Variants in EYS observed in about 807,000 individuals in gnomAD.
EYS encodes protein eyes shut homolog.
In EYS, 250 loss-of-function variants were observed where a neutral mutation model predicts 282.1. That is an observed-to-expected ratio of 0.89 (90% CI 0.80 to 0.98). The LOEUF (loss-of-function observed/expected upper bound fraction) is 0.98, where lower values mean the gene tolerates loss of function less well. EYS is among the 50% of genes least tolerant of loss of function. EYS has a pLI of 0.00. For missense variants in EYS, 4,016 were observed against 3,709.0 expected (o/e 1.08, Z -2.15); for synonymous variants, 1,355 against 1,282.9 (o/e 1.06, Z -1.20).
intron 11 of EYS, chr6:65,330,638 C>T (rs528756095): frequency 4.4e-4 from 407 of 934,702 alleles, no homozygotes; most frequent in Non-Finnish European, 4.9e-4. Flanking sequence ...AATGTTTATA[C>T]GCTATTCATT....
At chr6:65,264,437 G>A (rs1013576486) in intron 12 of EYS, among the ~76,000 whole-genome samples, 12 of 152,030 alleles carry the variant, frequency 7.9e-5, no homozygotes, top group South Asian at 2.1e-4. Context: ...TTTGATGCAC[G>A]TAAGACATTC....
chr6:63,940,368 C>T (rs899602626), intron 35 of EYS, among the ~76,000 whole-genome samples: 3 of 151,780 alleles, frequency 2.0e-5, no homozygotes, highest in Admixed American at 6.6e-5. Flanking sequence ...GCTAGGCCAG[C>T]GGGTGTAAAA....
At chr6:65,151,559 C>T (rs1764612063) in intron 12 of EYS, among the ~76,000 whole-genome samples, 1 of 151,972 alleles carries the variant, frequency 6.6e-6, no homozygotes, top group Non-Finnish European at 1.5e-5. Context: ...TGTCTAACAG[C>T]ATTCCTTCTA....
At chr6:65,528,043 G>A (rs527826378) in intron 2 of EYS, among the ~76,000 whole-genome samples, 1 of 152,116 alleles carries the variant, frequency 6.6e-6, no homozygotes. Flanking sequence ...GTATCAGCTC[G>A]AGCACTATAC....
At position 64,984,196 on chromosome 6, in the gene EYS, G is replaced by A. The variant is rs942900960; in HGVS notation, c.2259+13386C>T. ...TTCTGAGGTCAGATATAGTCTCTGGGCCCTCCAGATAAACTACCCTTGACA... is the reference window on the plus strand; with the variant it reads ...TTCTGAGGTCAGATATAGTCTCTGGACCCTCCAGATAAACTACCCTTGACA... On this transcript the variant is annotated intron_variant, in intron 14 of 42. Transcript: ENST00000503581. Among the ~76,000 whole-genome samples, 236 of 151,394 alleles carry A rather than the reference G, an allele frequency of 1.6e-3. 4 individuals carry two copies. Among genetic ancestry groups the A allele is most frequent in the Non-Finnish European group, 1.0e-4 (7 of 67,532 alleles).
intron 30 of EYS, among the ~76,000 whole-genome samples, chr6:64,282,001 G>A (rs1768325499): frequency 6.6e-6 from 1 of 152,144 alleles, no homozygotes; most frequent in South Asian, 2.1e-4. Flanking sequence ...AGAGTGGTGA[G>A]AGAATGCATT....
At chr6:64,912,790 G>C in intron 15 of EYS, 47 bp from the exon 16 acceptor site, 2 of 1,251,238 alleles carry the variant, frequency 1.6e-6, no homozygotes, top group Non-Finnish European at 2.1e-6. Flanking sequence ...TCTTTTTCAA[G>C]TTTATTTTTT....
intron 35 of EYS, among the ~76,000 whole-genome samples, chr6:63,922,976 C>T (rs1764614455): frequency 1.3e-5 from 2 of 152,250 alleles, no homozygotes; most frequent in South Asian, 4.1e-4. Flanking sequence ...TCAATGTCCT[C>T]ATCTGAAAAA....
chr6:64,936,204 G>T (rs1768900282), intron 15 of EYS, among the ~76,000 whole-genome samples: 2 of 151,288 alleles, frequency 1.3e-5, no homozygotes, highest in Admixed American at 1.3e-4. Flanking sequence ...CATATAAACA[G>T]CTTCATTGAC....
intron 14 of EYS, among the ~76,000 whole-genome samples, chr6:64,978,715 C>A (rs1770555643): frequency 6.6e-6 from 1 of 151,836 alleles, no homozygotes; most frequent in Admixed American, 6.6e-5. Context: ...GGACAGAGGT[C>A]AAAATATCCA....
At chr6:65,019,552 A>G (rs572129564) in intron 13 of EYS, among the ~76,000 whole-genome samples, 80 of 152,350 alleles carry the variant, frequency 5.3e-4, no homozygotes, top group African/African-American at 1.9e-3. Flanking sequence ...ATAGGTTTGT[A>G]GTACAAAATA....
At chr6:64,361,528 G>A (rs1012646275) in intron 29 of EYS, among the ~76,000 whole-genome samples, 2 of 151,610 alleles carry the variant, frequency 1.3e-5, no homozygotes. Context: ...TCTACAATCA[G>A]GCTCATTTTT....
At chr6:64,699,674 T>C (rs1770713013) in intron 22 of EYS, among the ~76,000 whole-genome samples, 1 of 151,932 alleles carries the variant, frequency 6.6e-6, no homozygotes, top group Non-Finnish European at 1.5e-5. Context: ...AATAGATCAA[T>C]AACAAGTAAT....
intron 29 of EYS, among the ~76,000 whole-genome samples, chr6:64,327,532 C>A (rs80332058): frequency 1.3e-5 from 2 of 152,004 alleles, no homozygotes; most frequent in Admixed American, 6.6e-5. Flanking sequence ...CCAAGTGTTC[C>A]GGGTAGTCAC....
intron 12 of EYS, among the ~76,000 whole-genome samples, chr6:65,223,559 C>T (rs1358408252): frequency 6.6e-6 from 1 of 152,152 alleles, no homozygotes; most frequent in African/African-American, 2.4e-5. Flanking sequence ...TTTTCAAAGA[C>T]ATATGATGTG....
At position 64,617,549 on chromosome 6, in the gene EYS, A is replaced by T; in HGVS notation, c.3569-16T>A. ...CCAGACCATCCTGTTCAACAAAATT[A>T]CAAAGCAGATATGCAATTTTTAATG... On this transcript the variant is annotated splice_polypyrimidine_tract_variant and intron_variant, in intron 23 of 42. Transcript: ENST00000503581. 1 of 1,422,526 alleles carries T rather than the reference A, an allele frequency of 7.0e-7. No individual in the cohort carries two copies. Among genetic ancestry groups the T allele is most frequent in the South Asian group, 1.3e-5 (1 of 79,950 alleles). The allele number at this position is 1,422,526 out of a possible 1,614,324, so 88.1% of individuals were successfully genotyped here.
At chr6:64,532,777 G>A (rs1436099613) in intron 26 of EYS, among the ~76,000 whole-genome samples, 2 of 152,082 alleles carry the variant, frequency 1.3e-5, no homozygotes, top group Non-Finnish European at 2.9e-5. Context: ...TACAATGTTT[G>A]TGATTCTTTC....
intron 12 of EYS, among the ~76,000 whole-genome samples, chr6:65,091,583 A>C (rs958415983): frequency 3.4e-4 from 52 of 152,266 alleles, no homozygotes; most frequent in African/African-American, 1.2e-3. Context: ...AGTAATTATG[A>C]AATCAATTTT....
In EYS at chr6:64,169,629, A is replaced by G. The variant is rs907645595; in HGVS notation, c.6424+60963T>C. The stretch of plus-strand genomic sequence containing the variant: ...AGACCTTTTGTTAAGGTGTTAGCCC[A>G]TGATTACTTCTCATGGCAAAAGCCA... On this transcript the variant is annotated intron_variant, in intron 31 of 42. Coordinates refer to ENST00000503581, the MANE Select transcript of EYS (RefSeq NM_001142800.2). Among the ~76,000 whole-genome samples, 7 of 152,116 alleles carry G rather than the reference A, an allele frequency of 4.6e-5. No homozygotes were observed. In the East Asian group the frequency reaches 5.8e-4, roughly 13 times the overall value.
Sources: allele counts gnomAD v4.1 joint callset (sites outside exome capture counted in the v4.1 genomes callset), GRCh38; gene constraint gnomAD v4.1.1; transcripts MANE v1.5; gene names NCBI Gene and HGNC (gene_info 2026-07-23, HGNC 2026-07-21).